Variants in GRID2IP observed in about 807,000 individuals in gnomAD.
GRID2IP encodes the protein Grid2 interacting protein.
Under a neutral mutation model 114.3 loss-of-function variants are expected in GRID2IP, and 78 were observed. The observed-to-expected ratio is 0.68, with a 90% confidence interval of 0.57 to 0.82. The LOEUF is 0.82. Ranked by LOEUF, GRID2IP falls within the 40% of genes least tolerant of loss-of-function variation. The pLI, the probability that GRID2IP is intolerant of heterozygous loss-of-function variation, is 0.00. For missense variants in GRID2IP, 1,727 were observed against 1,678.5 expected, an observed-to-expected ratio of 1.03 and a Z score of -0.51; for synonymous variants, 809 against 724.0, an observed-to-expected ratio of 1.12 and a Z score of -1.89.
Position 6,516,773 on chromosome 7 carries a change from A to C in GRID2IP, c.1269-2244T>G, listed in dbSNP as rs575308252. ...GCAGCAGAATTAGTGAAAGTACTAA[A>C]GTCTTTAAAATGCATAGAAGAAATA... On this transcript the variant is annotated intron_variant, in intron 7 of 21. Transcript: ENST00000457091. This position sits in a 1 kb window ranked among gnomAD's most constrained non-coding sequence, Gnocchi z 4.3. 4.1e-4 allele frequency among the ~76,000 whole-genome samples: 63 copies of C among 152,304 alleles called. 1 individual carries two copies. The highest frequency in any genetic ancestry group is 3.4e-3 in the Middle Eastern group (1 of 294).
At chr7:6,504,932 G>A in intron 14 of GRID2IP, 62 bp from the exon 15 acceptor site, 1 of 1,389,886 alleles carries the variant, frequency 7.2e-7, no homozygotes, top group Non-Finnish European at 1.0e-6. Context: ...GGAAGGCCCA[G>A]GGGTGGCGTG....
chr7:6,502,068 A>G lies in GRID2IP; in HGVS notation c.3201T>C (p.Leu1067=). 1 of 1,551,166 alleles carries G rather than the reference A, an allele frequency of 6.4e-7. No homozygotes were observed. The highest frequency in any genetic ancestry group is 1.4e-5 in the African/African-American group (1 of 72,982). The change falls in exon 19 of 22, where the codon CTT becomes CTC. Residue 1067 remains leucine, a synonymous_variant. Coordinates refer to ENST00000457091, the MANE Select transcript of GRID2IP (RefSeq NM_001145118.2). ...VDGKSTFLHI[L]AKSLSQHFPE... The stretch of plus-strand genomic sequence containing the variant: ...GGAAGTGCTGGCTCAGCGATTTGGC[A>G]AGGATGTGCAGGAAGGTGGACTTCC...
intron 4 of GRID2IP, among the ~76,000 whole-genome samples, chr7:6,525,040 C>T (rs1040183112): frequency 6.6e-6 from 1 of 152,066 alleles, no homozygotes; most frequent in Admixed American, 6.5e-5. Context: ...GTGTGGTGCT[C>T]TTGCCTGTAA....
chr7:6,501,738 C>G, intron 20 of GRID2IP, 43 bp downstream of exon 20: 1 of 1,451,928 alleles, frequency 6.9e-7, no homozygotes, highest in Non-Finnish European at 9.5e-7. Context: ...CCCAACCACC[C>G]CAGGATCCAG....
intron 15 of GRID2IP, among the ~76,000 whole-genome samples, chr7:6,504,116 A>T (rs1274920420): frequency 1.5e-5 from 1 of 68,220 alleles, no homozygotes; most frequent in Admixed American, 1.9e-4. Flanking sequence ...GGAACTCTAG[A>T]GGGGTGGGGG....
At chr7:6,538,939 C>A (rs189796040) in intron 2 of GRID2IP, among the ~76,000 whole-genome samples, 21 of 152,180 alleles carry the variant, frequency 1.4e-4, no homozygotes, top group African/African-American at 5.1e-4. Context: ...GAAAGGAAAT[C>A]AAAGGGCCAA....
chr7:6,513,892 G>A (rs1203902297), intron 8 of GRID2IP, among the ~76,000 whole-genome samples: 2 of 142,158 alleles, frequency 1.4e-5, no homozygotes, highest in Non-Finnish European at 3.0e-5. Context: ...AGGCTGCGGT[G>A]AGCCATGATG....
chr7:6,514,560 A>G, intron 7 of GRID2IP, 31 bp from the exon 8 acceptor site: 1 of 1,477,394 alleles, frequency 6.8e-7, no homozygotes, highest in Non-Finnish European at 9.0e-7. Flanking sequence ...GTGAGGCTCA[A>G]TACTCACGGG....
Position 6,508,412 on chromosome 7 carries a change from G to A in GRID2IP, c.2128-11C>T, listed in dbSNP as rs1786661271. 6 of 1,551,034 alleles carry A rather than the reference G, an allele frequency of 3.9e-6. No homozygotes were observed. Among genetic ancestry groups the A allele is most frequent in the Non-Finnish European group, 5.2e-6 (6 of 1,147,050 alleles). On this transcript the variant is annotated splice_polypyrimidine_tract_variant and intron_variant, in intron 12 of 21. Coordinates refer to ENST00000457091, the MANE Select transcript of GRID2IP (RefSeq NM_001145118.2). The surrounding 1 kb of genome is among the most constrained non-coding windows in gnomAD (Gnocchi z 5.6). ...ATCATGGAAGCTCATCTGGTGGTGG[G>A]GAGAGAGGCAAGGGGAGGGTGAGGC... is the stretch of plus-strand genomic sequence containing the variant.
chr7:6,497,528 A>G lies in GRID2IP; in HGVS notation c.*246T>C, dbSNP rs1786287436. The G allele has an allele frequency of 2.4e-6, 1 of 413,890 alleles. No homozygotes were observed. The highest frequency in any genetic ancestry group is 4.3e-6 in the Non-Finnish European group (1 of 231,568). The allele number at this position is 413,890 out of a possible 1,614,324, so 25.6% of individuals were successfully genotyped here. ...AGTGGGCCCAAGAAGCCGACAGAGC[A>G]CGGTCCTCCATGTGCAGGCACACTC... On this transcript the variant is annotated 3_prime_UTR_variant, in exon 22 of 22. Transcript: ENST00000457091.
In GRID2IP at chr7:6,509,105, G is replaced by T; in HGVS notation, c.1980C>A (p.Arg660=). 1 of 1,480,016 alleles carries T rather than the reference G, an allele frequency of 6.8e-7. No individual in the cohort carries two copies. The allele number at this position is 1,480,016 out of a possible 1,614,324, so 91.7% of individuals were successfully genotyped here. The part of the protein sequence containing the change: ...PDSPPSPDPT[R]PPSRRKLFTF... ...TGAAGAGCTTCCTGCGGCTGGGCGG[G>T]CGGGTGGGGTCCGGGCTTGGGGGGC... The change falls in exon 12 of 22, where the codon CGC becomes CGA. Residue 660 remains arginine, a synonymous_variant. Coordinates refer to ENST00000457091, the MANE Select transcript of GRID2IP (RefSeq NM_001145118.2). This position sits in a 1 kb window ranked among gnomAD's most constrained non-coding sequence, Gnocchi z 4.9.
chr7:6,501,923 G>A (rs1003907340), intron 19 of GRID2IP, 24 bp from the exon 20 acceptor site: 95 of 1,550,042 alleles, frequency 6.1e-5, no homozygotes, highest in Admixed American at 2.4e-4. Flanking sequence ...GACAGGGGCT[G>A]CATGGGGCCA....
Position 6,509,440 on chromosome 7 carries a change from C to T in GRID2IP, c.1772-127G>A, listed in dbSNP as rs1786699687. 1.2e-6 allele frequency: 1 copy of T among 853,898 alleles called. No individual in the cohort carries two copies. The highest frequency in any genetic ancestry group is 1.7e-6 in the Non-Finnish European group (1 of 588,826). 52.9% of individuals were successfully genotyped at this position (853,898 alleles called of 1,614,324 possible). The stretch of plus-strand genomic sequence containing the variant: ...GGCCACTCTCCTTTCCCTCTCTGGG[C>T]ACAGTGCAGGAAGACCTTGAGCGGC... On this transcript the variant is annotated intron_variant, in intron 11 of 21. Transcript: ENST00000457091. This position sits in a 1 kb window ranked among gnomAD's most constrained non-coding sequence, Gnocchi z 4.9.
Position 6,521,508 on chromosome 7 carries a change from G to C in GRID2IP, c.1005C>G (p.Asp335Glu). 1.9e-6 allele frequency: 3 copies of C among 1,548,044 alleles called. No homozygotes were observed. The highest frequency in any genetic ancestry group is 2.6e-6 in the Non-Finnish European group (3 of 1,145,188). Residue 335 changes from aspartate to glutamate, a missense_variant, in exon 6 of 22, where the codon GAC (aspartate) becomes GAG (glutamate). Transcript: ENST00000457091. This position sits in a 1 kb window ranked among gnomAD's most constrained non-coding sequence, Gnocchi z 4.1. Reference sequence around the variant, plus strand: ...TGCCCTGCAGCATGGACACCACCTTGTCGTGGGAGCAGTTCCTGCCAAGCA... The same window carrying C: ...TGCCCTGCAGCATGGACACCACCTTCTCGTGGGAGCAGTTCCTGCCAAGCA... The part of the protein sequence containing the change: ...NGLDMRNCSH[D>E]KVVSMLQGSG...
rs2115075409 is a variant in GRID2IP, at chr7:6,523,258, C to T, written c.920-1301G>A. Among the ~76,000 whole-genome samples the T allele has an allele frequency of 6.6e-6, 1 of 152,304 alleles. No homozygotes were observed. The highest frequency in any genetic ancestry group is 3.4e-3 in the Middle Eastern group (1 of 294). ...GAAGAGAGGGAACAATTAGGGAAGACTTCCCGGGAGAGGCGAGATGGGGGA... is the reference window on the plus strand; with the variant it reads ...GAAGAGAGGGAACAATTAGGGAAGATTTCCCGGGAGAGGCGAGATGGGGGA... On this transcript the variant is annotated intron_variant, in intron 4 of 21. Coordinates refer to ENST00000457091, the MANE Select transcript of GRID2IP (RefSeq NM_001145118.2). The surrounding 1 kb of genome is among the most constrained non-coding windows in gnomAD (Gnocchi z 4.5).
Position 6,526,942 on chromosome 7 carries a change from C to T in GRID2IP, c.585-173G>A, listed in dbSNP as rs538539871. Among the ~76,000 whole-genome samples, 1 of 152,206 alleles carries T rather than the reference C, an allele frequency of 6.6e-6. No individual in the cohort carries two copies. Among genetic ancestry groups the T allele is most frequent in the Non-Finnish European group, 1.5e-5 (1 of 68,024 alleles). On this transcript the variant is annotated intron_variant, in intron 2 of 21. Transcript: ENST00000457091. The surrounding 1 kb of genome is among the most constrained non-coding windows in gnomAD (Gnocchi z 7.6). ...CAGCCGGTAGCACCCCAGTCTCCCC[C>T]TCGCTGCTCGGATTTGCGCCCCCAG... is the stretch of plus-strand genomic sequence containing the variant.
chr7:6,526,775 G>T lies in GRID2IP; in HGVS notation c.585-6C>A. ...GCTTCTTGGGGATGAAGATCCTGCC[G>T]GCGAGGACGGCGGAGTCGGGGCGCG... On this transcript the variant is annotated splice_region_variant and splice_polypyrimidine_tract_variant and intron_variant, in intron 2 of 21. Transcript: ENST00000457091. The surrounding 1 kb of genome is among the most constrained non-coding windows in gnomAD (Gnocchi z 7.6). 1 of 1,509,210 alleles carries T rather than the reference G, an allele frequency of 6.6e-7. No individual in the cohort carries two copies. The highest frequency in any genetic ancestry group is 8.9e-7 in the Non-Finnish European group (1 of 1,129,246). The allele number at this position is 1,509,210 out of a possible 1,614,324, so 93.5% of individuals were successfully genotyped here.
rs191087104 is a variant in GRID2IP at position 6,497,622 on chromosome 7, G to A, written c.*152C>T. On this transcript the variant is annotated 3_prime_UTR_variant, in exon 22 of 22. Transcript: ENST00000457091. ...AACAAGGGCTGGCAGAGGAGGGCCC[G>A]ACCACAGCTCGGCGGCTGAGGTAGC... is the stretch of plus-strand genomic sequence containing the variant. 85 of 579,678 alleles carry A rather than the reference G, an allele frequency of 1.5e-4. No homozygotes were observed. Among genetic ancestry groups the A allele is most frequent in the Non-Finnish European group, 7.8e-5 (26 of 332,792 alleles). The allele number at this position is 579,678 out of a possible 1,614,324, so 35.9% of individuals were successfully genotyped here. A position where few individuals can be genotyped will look rare whatever the true frequency, so the allele number is the denominator to read the frequency against.
At position 6,536,494 on chromosome 7, in the gene GRID2IP, C is replaced by T. The variant is rs1490199270; in HGVS notation, c.584+3224G>A. Among the ~76,000 whole-genome samples the T allele has an allele frequency of 6.6e-6, 1 of 152,114 alleles. No individual in the cohort carries two copies. The highest frequency in any genetic ancestry group is 2.4e-5 in the African/African-American group (1 of 41,442). On this transcript the variant is annotated intron_variant, in intron 2 of 21. Coordinates refer to ENST00000457091, the MANE Select transcript of GRID2IP (RefSeq NM_001145118.2). The surrounding 1 kb of genome is among the most constrained non-coding windows in gnomAD (Gnocchi z 5.3). ...GCGGCTGGGAAAGGCGGGCATGGGG[C>T]TGTCCCGGGGGGCAGGCGGGCTGGC... is the stretch of plus-strand genomic sequence containing the variant.
Sources: gnomAD v4.1 joint callset for allele counts (sites outside exome capture counted in the v4.1 genomes callset) on GRCh38, gnomAD v4.1.1 for gene constraint, Gnocchi (gnomAD v3.1) non-coding constraint, MANE v1.5 for transcripts, NCBI Gene and HGNC (gene_info 2026-07-23, HGNC 2026-07-21) for gene names.